SCN3A: variants seen among roughly 807,000 people sequenced by gnomAD.
SCN3A encodes sodium voltage-gated channel alpha subunit 3, also known as sodium channel protein type 3 subunit alpha.
Under a neutral mutation model 187.6 loss-of-function variants are expected in SCN3A, and 60 were observed. That is an observed-to-expected ratio of 0.32 (90% CI 0.26 to 0.40). The LOEUF (loss-of-function observed/expected upper bound fraction) is 0.40. Among genes scored for constraint, SCN3A ranks in the 10% least tolerant of loss-of-function variants. The pLI, the probability that SCN3A is intolerant of heterozygous loss-of-function variation, is 1.00. For missense variants in SCN3A, 1,601 were observed against 2,428.2 expected, an observed-to-expected ratio of 0.66 and a Z score of 7.16; for synonymous variants, 788 against 829.2, an observed-to-expected ratio of 0.95 and a Z score of 0.85.
At chr2:165,117,540 T>C (rs989291185) in intron 18 of SCN3A, among the ~76,000 whole-genome samples, 2 of 152,130 alleles carry the variant, frequency 1.3e-5, no homozygotes, top group Non-Finnish European at 1.5e-5. Context: ...CACATATATA[T>C]ACCAAAAGAT....
At position 165,092,670 on chromosome 2, in the gene SCN3A, T is replaced by C; in HGVS notation, c.4537-146A>G. 1 of 759,110 alleles carries C rather than the reference T, an allele frequency of 1.3e-6. No homozygotes were observed. Among genetic ancestry groups the C allele is most frequent in the Non-Finnish European group, 2.1e-6 (1 of 476,850 alleles). The allele number at this position is 759,110 out of a possible 1,614,324, so 47.0% of individuals were successfully genotyped here. On this transcript the variant is annotated intron_variant, in intron 26 of 27. Coordinates refer to ENST00000283254, the MANE Select transcript of SCN3A (RefSeq NM_006922.4). This position sits in a 1 kb window ranked among gnomAD's most constrained non-coding sequence, Gnocchi z 4.2. ...CAAACAATTTTGTGTGCTTTTTTTCTCTTCATGTTAAAAAAAATGGAAAAA... is the reference window on the plus strand; with the variant it reads ...CAAACAATTTTGTGTGCTTTTTTTCCCTTCATGTTAAAAAAAATGGAAAAA...
chr2:165,166,838 T>A (rs1689788892), intron 5 of SCN3A, among the ~76,000 whole-genome samples: 1 of 152,136 alleles, frequency 6.6e-6, no homozygotes, highest in Non-Finnish European at 1.5e-5. Context: ...GCCTTCATAA[T>A]GGGTATAATC....
chr2:165,153,987 A>ATTTTTTTT (rs71393659), intron 11 of SCN3A, among the ~76,000 whole-genome samples: 4,565 of 92,510 alleles, frequency 0.049, 765 homozygotes, highest in East Asian at 0.35. Flanking sequence ...TATAGCAAAC[A>ATTTTTTTT]TTTTTTTTTT....
At chr2:165,096,365 A>G (rs574969937) in intron 24 of SCN3A, 102 bp downstream of exon 24, 5 of 861,858 alleles carry the variant, frequency 5.8e-6, no homozygotes, top group African/African-American at 1.7e-5. Context: ...TGCAATATTA[A>G]ATGTTCTAAT....
intron 22 of SCN3A, among the ~76,000 whole-genome samples, chr2:165,099,334 A>C (rs1405518374): frequency 1.3e-5 from 2 of 152,194 alleles, no homozygotes; most frequent in Non-Finnish European, 2.9e-5. Context: ...CATAATATAC[A>C]TATTAAGGAA....
At chr2:165,202,758 TTTG>T (rs1176253217) in intron 1 of SCN3A, among the ~76,000 whole-genome samples, 1 of 152,058 alleles carries the variant, frequency 6.6e-6, no homozygotes, top group Non-Finnish European at 1.5e-5. Flanking sequence ...GCACACTCTA[TTTG>T]GAGTGAATGT....
chr2:165,202,837 A>AT lies in SCN3A; in HGVS notation c.-248+985dup, dbSNP rs150086677. 6.3e-3 allele frequency among the ~76,000 whole-genome samples: 957 copies of AT among 152,128 alleles called. 6 individuals are homozygous for AT. The highest frequency in any genetic ancestry group is 0.022 in the African/African-American group (914 of 41,524). On this transcript the variant is annotated intron_variant, in intron 1 of 27. Transcript: ENST00000283254. Reference sequence around the variant, plus strand: ...CTTTATCTTTGTCCTCATAAGCCACATTATACTACCTGTTGTGTATTTTAA... The same window carrying AT: ...CTTTATCTTTGTCCTCATAAGCCACATTTATACTACCTGTTGTGTATTTTAA...
chr2:165,108,103 C>G lies in SCN3A; in HGVS notation c.3843+4782G>C, dbSNP rs540419484. Among the ~76,000 whole-genome samples, 195 of 152,224 alleles carry G rather than the reference C, an allele frequency of 1.3e-3. 1 individual carries two copies. The highest frequency in any genetic ancestry group is 4.4e-3 in the African/African-American group (181 of 41,538). On this transcript the variant is annotated intron_variant, in intron 21 of 27. Transcript: ENST00000283254. ...ACATGTGAAGTGCTTTTGGTGGCAC[C>G]TGTACACAGTGTGCATTAAATCAGG...
chr2:165,139,495 A>C lies in SCN3A; in HGVS notation c.2133T>G (p.Ile711Met), dbSNP rs749978387. Reference sequence around the variant, plus strand: ...TCTTACCTTCCATTGTGTTGGTCAGAATGCTGGCTATGCTCACGGCTCTTT... The same window carrying C: ...TCTTACCTTCCATTGTGTTGGTCAGCATGCTGGCTATGCTCACGGCTCTTT... ...GRQRAVSIASILTNTMEELEE... is the reference protein window; with the variant it reads ...GRQRAVSIASMLTNTMEELEE... Residue 711 changes from isoleucine to methionine, a missense_variant, in exon 14 of 28, where the codon ATT becomes ATG. Ile to Met is a conservative substitution (Grantham distance 10). Coordinates refer to ENST00000283254, the MANE Select transcript of SCN3A (RefSeq NM_006922.4). 2.5e-6 allele frequency: 4 copies of C among 1,613,790 alleles called. No individual in the cohort carries two copies. The Admixed American group carries it at 6.7e-5, about 27-fold the overall frequency.
In SCN3A at chr2:165,127,828, C is replaced by G. The variant is rs1342644388; in HGVS notation, c.3196G>C (p.Asp1066His). Residue 1066 changes from aspartate to histidine, a missense_variant, in exon 18 of 28, where the codon GAT (aspartate) becomes CAT (histidine). Asp to His is a moderately conservative substitution (Grantham distance 81, BLOSUM62 -1). Around this residue, in one of 11 missense-constraint regions of SCN3A, gnomAD observed 267 missense variants for 313.2 expected, o/e 0.85. Transcript: ENST00000283254. ...EISKELNYLRDGNGTTSGVGT... is the reference protein window; with the variant it reads ...EISKELNYLRHGNGTTSGVGT... ...ACACCACTGGTGGTTCCATTCCCAT[C>G]TCTAAGATAATTAAGCTCTTTGCTT... is the stretch of plus-strand genomic sequence containing the variant. The G allele has an allele frequency of 6.2e-7, 1 of 1,614,070 alleles. No homozygotes were observed. The highest frequency in any genetic ancestry group is 2.2e-5 in the East Asian group (1 of 44,882).
intron 11 of SCN3A, among the ~76,000 whole-genome samples, chr2:165,154,116 G>A (rs1269644360): frequency 6.7e-6 from 1 of 148,962 alleles, no homozygotes; most frequent in South Asian, 2.1e-4. Flanking sequence ...ATAATTAGGG[G>A]TGAATCACTA....
chr2:165,139,412 A>C, intron 14 of SCN3A, 64 bp downstream of exon 14: 1 of 1,608,524 alleles, frequency 6.2e-7, no homozygotes, highest in African/African-American at 1.3e-5. Flanking sequence ...TTCTATGAAA[A>C]GAAGGAATAG....
At position 165,130,039 on chromosome 2, in the gene SCN3A, A is replaced by G. The variant is rs2105771938; in HGVS notation, c.2823T>C (p.Cys941=). Reference sequence around the variant, plus strand: ...CCCACATGGTCTCTATCCACTCTCCACACAGCACGCGGAACACAATCAGGA... The same window carrying G: ...CCCACATGGTCTCTATCCACTCTCCGCACAGCACGCGGAACACAATCAGGA... ...HSFLIVFRVL[C]GEWIETMWDC... is the part of the protein sequence containing the mutation. Residue 941 remains cysteine (C), a synonymous_variant, in exon 17 of 28, where the codon TGT becomes TGC. Transcript: ENST00000283254. 1 of 1,614,140 alleles carries G rather than the reference A, an allele frequency of 6.2e-7. No homozygotes were observed. The highest frequency in any genetic ancestry group is 2.2e-5 in the East Asian group (1 of 44,872).
At chr2:165,141,714 A>G (rs1688023587) in intron 12 of SCN3A, among the ~76,000 whole-genome samples, 1 of 152,182 alleles carries the variant, frequency 6.6e-6, no homozygotes, top group South Asian at 2.1e-4. Context: ...TAGCAAACAC[A>G]ACACAGAGGA....
At chr2:165,110,735 C>T (rs1686073236) in intron 21 of SCN3A, among the ~76,000 whole-genome samples, 1 of 152,164 alleles carries the variant, frequency 6.6e-6, no homozygotes, top group Admixed American at 6.5e-5. Flanking sequence ...ATTTAAGATA[C>T]AGTAACTTGC....
intron 21 of SCN3A, among the ~76,000 whole-genome samples, chr2:165,105,585 G>T (rs1375158999): frequency 1.3e-5 from 2 of 152,138 alleles, no homozygotes; most frequent in Non-Finnish European, 2.9e-5. Flanking sequence ...AAGATGGGAG[G>T]TTGGGGATAT....
intron 15 of SCN3A, 91 bp downstream of exon 15, chr2:165,137,788 T>C: frequency 1.1e-6 from 1 of 925,058 alleles, no homozygotes; most frequent in Middle Eastern, 2.2e-4. Context: ...GATATAATTT[T>C]TGGGTTCAAC....
Position 165,090,206 on chromosome 2 carries a change from T to C in SCN3A, c.5947A>G (p.Lys1983Glu), listed in dbSNP as rs774354894. ...TTGCTTTCTTTTTCTGGTTTGTCTT[T>C]CTCAAACTTTTCCTTGTCTGGTTTT... Reference protein sequence around the residue: ...VTKPDKEKFEKDKPEKESKGK... With the variant: ...VTKPDKEKFEEDKPEKESKGK... The change falls in exon 28 of 28, where the codon AAA becomes GAA. Residue 1983 changes from lysine to glutamate, a missense_variant. By Grantham distance (56) the Lys-to-Glu change is moderately conservative. Around this residue, in one of 11 missense-constraint regions of SCN3A, gnomAD observed 87 missense variants for 89.2 expected, o/e 0.98. Transcript: ENST00000283254. This position sits in a 1 kb window ranked among gnomAD's most constrained non-coding sequence, Gnocchi z 4.0. 2 of 1,605,496 alleles carry C rather than the reference T, an allele frequency of 1.2e-6. No homozygotes were observed. The highest frequency in any genetic ancestry group is 2.7e-5 in the African/African-American group (2 of 74,830).
intron 1 of SCN3A, among the ~76,000 whole-genome samples, chr2:165,194,251 A>C (rs961205085): frequency 2.0e-5 from 3 of 152,136 alleles, no homozygotes; most frequent in Non-Finnish European, 4.4e-5. Context: ...GTGAGTAAAA[A>C]AGAAGGGAGA....
Sources: allele counts gnomAD v4.1 joint callset (sites outside exome capture counted in the v4.1 genomes callset), GRCh38; gene constraint gnomAD v4.1.1; regional missense constraint gnomAD v4.1.1; non-coding constraint Gnocchi (gnomAD v3.1); transcripts MANE v1.5; gene names NCBI Gene and HGNC (gene_info 2026-07-23, HGNC 2026-07-21).